MARCHF1: variants seen among roughly 807,000 people sequenced by gnomAD.
MARCHF1 encodes E3 ubiquitin-protein ligase MARCHF1.
In MARCHF1, 40 loss-of-function variants were observed where a neutral mutation model predicts 54.2. The ratio of observed to expected loss-of-function variants is 0.74; its 90% CI spans 0.57 to 0.96. The LOEUF (loss-of-function observed/expected upper bound fraction) is 0.96, where lower values mean the gene tolerates loss of function less well. Among genes scored for constraint, MARCHF1 ranks in the 40% least tolerant of loss-of-function variants. The pLI is 0.00. For synonymous variants in MARCHF1, 236 were observed against 236.3 expected (o/e 1.00, Z 0.01); for missense variants, 586 against 656.5 (o/e 0.89, Z 1.17).
chr4:164,196,660 T>C (rs1386871489), intron 1 of MARCHF1, among the ~76,000 whole-genome samples: 1 of 152,146 alleles, frequency 6.6e-6, no homozygotes, highest in African/African-American at 2.4e-5. Context: ...CTAAAAGGAC[T>C]ATACTTAAAA....
intron 1 of MARCHF1, among the ~76,000 whole-genome samples, chr4:164,190,809 C>T (rs1488035987): frequency 6.6e-6 from 1 of 152,196 alleles, no homozygotes; most frequent in East Asian, 1.9e-4. Flanking sequence ...GGAAGTCTTT[C>T]TCCTTCAGTC....
intron 4 of MARCHF1, among the ~76,000 whole-genome samples, chr4:163,841,011 T>G (rs1007824361): frequency 7.9e-5 from 12 of 152,090 alleles, no homozygotes; most frequent in Non-Finnish European, 1.6e-4. Context: ...TACCTTTGTA[T>G]AGCAAACTCA....
intron 1 of MARCHF1, among the ~76,000 whole-genome samples, chr4:164,310,269 G>C (rs1734813256): frequency 1.3e-5 from 2 of 151,776 alleles, no homozygotes; most frequent in African/African-American, 4.8e-5. Context: ...GTAGAGACAG[G>C]GTTTCACCAT....
chr4:163,994,171 T>G (rs1753018958), intron 2 of MARCHF1, among the ~76,000 whole-genome samples: 1 of 151,962 alleles, frequency 6.6e-6, no homozygotes, highest in Non-Finnish European at 1.5e-5. Context: ...GGAACTGGAA[T>G]CATGGCGGAA....
intron 1 of MARCHF1, among the ~76,000 whole-genome samples, chr4:164,229,985 G>A (rs553811652): frequency 1.3e-5 from 2 of 152,174 alleles, no homozygotes; most frequent in East Asian, 1.9e-4. Context: ...GATCCAAACC[G>A]TACCACCTGC....
chr4:163,750,513 A>AAACT (rs1554010358), intron 4 of MARCHF1, among the ~76,000 whole-genome samples: 9 of 142,996 alleles, frequency 6.3e-5, no homozygotes, highest in Non-Finnish European at 1.4e-4. Context: ...TCTGTCTCAA[A>AAACT]AAATAAATAA....
At chr4:164,250,313 T>C (rs1026689690) in intron 1 of MARCHF1, among the ~76,000 whole-genome samples, 3 of 152,140 alleles carry the variant, frequency 2.0e-5, no homozygotes, top group Non-Finnish European at 2.9e-5. Flanking sequence ...TCAGTGTAGA[T>C]ATTCAAATTA....
intron 2 of MARCHF1, among the ~76,000 whole-genome samples, chr4:164,020,366 G>A (rs1753634870): frequency 6.6e-6 from 1 of 152,102 alleles, no homozygotes; most frequent in South Asian, 2.1e-4. Flanking sequence ...AAGGATTCTG[G>A]ATAAAATATG....
chr4:163,934,909 G>A (rs528258647), intron 3 of MARCHF1, among the ~76,000 whole-genome samples: 1 of 152,232 alleles, frequency 6.6e-6, no homozygotes, highest in East Asian at 1.9e-4. Context: ...CTGCAATGAT[G>A]AATCCTTTCC....
chr4:163,976,011 C>A, intron 3 of MARCHF1, among the ~76,000 whole-genome samples: 1 of 152,064 alleles, frequency 6.6e-6, no homozygotes, highest in African/African-American at 2.4e-5. Flanking sequence ...GAAATGCAAG[C>A]CATATCTTAT....
chr4:164,115,281 C>G (rs1473083336), intron 1 of MARCHF1, among the ~76,000 whole-genome samples: 1 of 151,980 alleles, frequency 6.6e-6, no homozygotes, highest in African/African-American at 2.4e-5. Flanking sequence ...ATAAACTGGA[C>G]AGCAATCACA....
At chr4:164,342,829 C>T (rs901965943) in intron 1 of MARCHF1, among the ~76,000 whole-genome samples, 1 of 152,002 alleles carries the variant, frequency 6.6e-6, no homozygotes, top group Admixed American at 6.6e-5. Flanking sequence ...GGAAATGTTG[C>T]AATGTGTGAC....
intron 1 of MARCHF1, among the ~76,000 whole-genome samples, chr4:164,162,177 AAC>A (rs545217915): frequency 1.1e-3 from 162 of 152,300 alleles, no homozygotes; most frequent in African/African-American, 3.8e-3. Flanking sequence ...ATAAAATAAA[AAC>A]ACAGAGTAAA....
intron 1 of MARCHF1, among the ~76,000 whole-genome samples, chr4:164,333,879 T>C (rs185017072): frequency 6.6e-6 from 1 of 152,324 alleles, no homozygotes; most frequent in Non-Finnish European, 1.5e-5. Context: ...GCTACTCCAG[T>C]GAACACATGA....
intron 9 of MARCHF1, among the ~76,000 whole-genome samples, chr4:163,538,696 A>G (rs994369788): frequency 2.0e-5 from 3 of 152,178 alleles, no homozygotes; most frequent in Non-Finnish European, 4.4e-5. Flanking sequence ...CCCTATTCCT[A>G]AGAGTCTACT....
At chr4:163,538,154 TTAGA>T (rs1738601393) in intron 9 of MARCHF1, among the ~76,000 whole-genome samples, 1 of 152,034 alleles carries the variant, frequency 6.6e-6, no homozygotes, top group Non-Finnish European at 1.5e-5. Context: ...TGAAAACACT[TTAGA>T]CAAAGAAAAG....
At chr4:163,721,450 T>A (rs1430417148) in intron 4 of MARCHF1, among the ~76,000 whole-genome samples, 16 of 150,564 alleles carry the variant, frequency 1.1e-4, no homozygotes, top group African/African-American at 2.7e-4. Flanking sequence ...ATTGAGGATT[T>A]TTGCATCGAT....
At chr4:163,963,503 C>T (rs766498254) in intron 3 of MARCHF1, among the ~76,000 whole-genome samples, 1 of 151,904 alleles carries the variant, frequency 6.6e-6, no homozygotes, top group Non-Finnish European at 1.5e-5. Context: ...TGTAAGATTA[C>T]TGCAGAGATC....
At chr4:163,698,841 T>C (rs192061654) in intron 5 of MARCHF1, among the ~76,000 whole-genome samples, 2 of 152,344 alleles carry the variant, frequency 1.3e-5, no homozygotes, top group East Asian at 1.9e-4. Flanking sequence ...TATTCAACAT[T>C]AGTATTCAAG....
Sources: gnomAD v4.1 joint callset for allele counts (sites outside exome capture counted in the v4.1 genomes callset) on GRCh38, gnomAD v4.1.1 for gene constraint, MANE v1.5 for transcripts, NCBI Gene and HGNC (gene_info 2026-07-23, HGNC 2026-07-21) for gene names.